The following GLCE variants were observed in gnomAD, a reference collection of about 807,000 sequenced individuals.
The protein encoded by GLCE is D-glucuronyl C5-epimerase.
In GLCE, 19 loss-of-function variants were observed where a neutral mutation model predicts 47.9. That is an observed-to-expected ratio of 0.40 (90% CI 0.28 to 0.58). GLCE has a LOEUF of 0.58. Ranked by LOEUF, GLCE falls within the 20% of genes least tolerant of loss-of-function variation. GLCE has a pLI of 0.48. For missense variants in GLCE, 556 were observed against 743.3 expected, an observed-to-expected ratio of 0.75 and a Z score of 2.93; for synonymous variants, 245 against 263.4, an observed-to-expected ratio of 0.93 and a Z score of 0.68.
At chr15:69,169,341 C>T (rs1051940578) in intron 1 of GLCE, among the ~76,000 whole-genome samples, 29 of 152,104 alleles carry the variant, frequency 1.9e-4, no homozygotes, top group Admixed American at 1.0e-3. Context: ...TTTGGCAAAG[C>T]GCTTCATTTA....
intron 1 of GLCE, among the ~76,000 whole-genome samples, chr15:69,185,874 G>A (rs1436561474): frequency 1.3e-5 from 2 of 152,062 alleles, no homozygotes; most frequent in African/African-American, 4.8e-5. Flanking sequence ...TTGCAAATCT[G>A]GGCCTCTGGA....
Position 69,256,035 on chromosome 15 carries a change from T to C in GLCE, c.229T>C (p.Phe77Leu). 1 of 1,613,786 alleles carries C rather than the reference T, an allele frequency of 6.2e-7. No individual in the cohort carries two copies. The highest frequency in any genetic ancestry group is 8.5e-7 in the Non-Finnish European group (1 of 1,179,750). The change falls in exon 3 of 5, where the codon TTC becomes CTC. Residue 77 changes from phenylalanine (F) to leucine (L), a missense_variant. This residue lies in a region of GLCE where 237 missense variants were observed against 310.9 expected (regional missense o/e 0.76). Transcript: ENST00000261858. ...GGCCAAACAACAGTCTGAGGAAGCA[T>C]TCCCTCAGGAACAGCAGAAAGCACC... ...HVAKQQSEEAFPQEQQKAPPV... is the reference protein window; with the variant it reads ...HVAKQQSEEALPQEQQKAPPV...
chr15:69,187,754 GC>G (rs2051845374), intron 1 of GLCE, among the ~76,000 whole-genome samples: 1 of 152,044 alleles, frequency 6.6e-6, no homozygotes, highest in Non-Finnish European at 1.5e-5. Flanking sequence ...AACCAACCTT[GC>G]TTTTTTTCAT....
At chr15:69,263,174 A>G (rs1437809849) in intron 4 of GLCE, among the ~76,000 whole-genome samples, 4 of 152,166 alleles carry the variant, frequency 2.6e-5, no homozygotes, top group Non-Finnish European at 4.4e-5. Flanking sequence ...GTTGCATACT[A>G]TAAGAGTATG....
At chr15:69,231,914 T>C (rs1566963340) in intron 2 of GLCE, among the ~76,000 whole-genome samples, 1 of 152,128 alleles carries the variant, frequency 6.6e-6, no homozygotes, top group Admixed American at 6.5e-5. Context: ...TGCCTGAGCC[T>C]CCCAAGCAGC....
At chr15:69,163,345 C>A (rs2051455019) in intron 1 of GLCE, among the ~76,000 whole-genome samples, 1 of 152,082 alleles carries the variant, frequency 6.6e-6, no homozygotes, top group South Asian at 2.1e-4. Flanking sequence ...ATGTGACTTT[C>A]CCCTTTAAGT....
At chr15:69,193,495 C>G (rs1356101191) in intron 1 of GLCE, among the ~76,000 whole-genome samples, 1 of 151,948 alleles carries the variant, frequency 6.6e-6, no homozygotes, top group Non-Finnish European at 1.5e-5. Flanking sequence ...TTACTTTTTT[C>G]TTATTATATT....
intron 2 of GLCE, among the ~76,000 whole-genome samples, chr15:69,235,211 G>A (rs563310259): frequency 3.6e-5 from 5 of 138,772 alleles, no homozygotes; most frequent in East Asian, 2.3e-4. Flanking sequence ...GGGTTCAAGC[G>A]ATTCTCCTGC....
chr15:69,182,298 T>A (rs1697319), intron 1 of GLCE, among the ~76,000 whole-genome samples: 18,676 of 145,440 alleles, frequency 0.13, 1,214 homozygotes, highest in East Asian at 0.16. Context: ...TGTGTGTGTG[T>A]GAGAGAGAGA....
At chr15:69,169,691 G>A (rs2051559610) in intron 1 of GLCE, among the ~76,000 whole-genome samples, 1 of 152,068 alleles carries the variant, frequency 6.6e-6, no homozygotes, top group Non-Finnish European at 1.5e-5. Flanking sequence ...ATGGTTTCCA[G>A]CTTCATCCAT....
At chr15:69,233,525 T>C (rs762113319) in intron 2 of GLCE, among the ~76,000 whole-genome samples, 5 of 152,216 alleles carry the variant, frequency 3.3e-5, no homozygotes, top group Non-Finnish European at 5.9e-5. Flanking sequence ...GGGGGAAACA[T>C]TGATGTCATA....
rs1203326846 is a variant in GLCE at position 69,269,533 on chromosome 15, A to G, written c.*289A>G. The stretch of plus-strand genomic sequence containing the variant: ...ATACAGTTTCGCAGATAGTCTAGTC[A>G]CTCTATGTGAGAAAGATAATGGTAA... On this transcript the variant is annotated 3_prime_UTR_variant, in exon 5 of 5. Transcript: ENST00000261858. The G allele has an allele frequency of 2.9e-6, 1 of 346,764 alleles. No homozygotes were observed. Among genetic ancestry groups the G allele is most frequent in the African/African-American group, 2.1e-5 (1 of 48,268 alleles). 21.5% of individuals were successfully genotyped at this position (346,764 alleles called of 1,614,324 possible).
At chr15:69,169,114 C>T (rs1273666442) in intron 1 of GLCE, among the ~76,000 whole-genome samples, 1 of 152,112 alleles carries the variant, frequency 6.6e-6, no homozygotes, top group East Asian at 1.9e-4. Context: ...TCTTTTATGT[C>T]TAATTTCCTG....
intron 2 of GLCE, among the ~76,000 whole-genome samples, chr15:69,251,166 C>G (rs2052839179): frequency 6.6e-6 from 1 of 152,162 alleles, no homozygotes. Context: ...TAACTTGTTC[C>G]TCTATCCCTT....
rs1017417378 is a variant in GLCE at position 69,255,866 on chromosome 15, C to T, written c.60C>T (p.Phe20=). The change falls in exon 3 of 5, where the codon TTC becomes TTT. Residue 20 remains phenylalanine, a synonymous_variant. Transcript: ENST00000261858. Reference sequence around the variant, plus strand: ...CTTTGATTATTATCTGCGCACTCTTCACTTTGGTCACAGTACTTTTGTGGA... The same window carrying T: ...CTTTGATTATTATCTGCGCACTCTTTACTTTGGTCACAGTACTTTTGTGGA... The part of the protein sequence containing the change: ...YKTLIIICAL[F]TLVTVLLWNK... The T allele has an allele frequency of 1.2e-6, 2 of 1,613,946 alleles. No individual in the cohort carries two copies. The highest frequency in any genetic ancestry group is 1.7e-6 in the Non-Finnish European group (2 of 1,179,998).
At chr15:69,208,525 GGTAA>G (rs2052182355) in intron 1 of GLCE, among the ~76,000 whole-genome samples, 1 of 151,858 alleles carries the variant, frequency 6.6e-6, no homozygotes, top group Non-Finnish European at 1.5e-5. Context: ...ACATTGTCTT[GGTAA>G]GTAGCTTAAA....
chr15:69,220,940 G>A (rs980273661), intron 2 of GLCE, among the ~76,000 whole-genome samples: 3 of 152,002 alleles, frequency 2.0e-5, no homozygotes, highest in African/African-American at 7.2e-5. Context: ...ATCTATTTTT[G>A]CATATGGTAA....
At position 69,268,437 on chromosome 15, in the gene GLCE, A is replaced by C; in HGVS notation, c.1047A>C (p.Thr349=). The change falls in exon 5 of 5, where the codon ACA becomes ACC. Residue 349 remains threonine (T), a synonymous_variant. Transcript: ENST00000261858. ...YGIGPRTSWS[T]VTRDLVTDLR... ...TTGGGCCCAGAACTTCATGGAGCAC[A>C]GTTACCAGGGACCTGGTCACTGACC... 1 of 1,614,146 alleles carries C rather than the reference A, an allele frequency of 6.2e-7. No individual in the cohort carries two copies. The highest frequency in any genetic ancestry group is 8.5e-7 in the Non-Finnish European group (1 of 1,179,976).
At chr15:69,185,979 G>A (rs533713408) in intron 1 of GLCE, among the ~76,000 whole-genome samples, 1 of 152,204 alleles carries the variant, frequency 6.6e-6, no homozygotes, top group South Asian at 2.1e-4. Flanking sequence ...AGAACTCAGG[G>A]AAATACTTGC....
Sources: allele counts gnomAD v4.1 joint callset (sites outside exome capture counted in the v4.1 genomes callset), GRCh38; gene constraint gnomAD v4.1.1; regional missense constraint gnomAD v4.1.1; transcripts MANE v1.5; gene names NCBI Gene and HGNC (gene_info 2026-07-23, HGNC 2026-07-21).